SGCD: variants seen among roughly 807,000 people sequenced by gnomAD.
The protein encoded by SGCD is delta-sarcoglycan.
In SGCD, 18 loss-of-function variants were observed where a neutral mutation model predicts 36.6. That is an observed-to-expected ratio of 0.49 (90% CI 0.34 to 0.73). SGCD has a LOEUF of 0.73. SGCD is among the 30% of genes least tolerant of loss of function. The pLI is 0.01. For synonymous variants in SGCD, 133 were observed against 130.6 expected, an observed-to-expected ratio of 1.02 and a Z score of -0.12; for missense variants, 387 against 346.7, an observed-to-expected ratio of 1.12 and a Z score of -0.92.
intron 3 of SGCD, among the ~76,000 whole-genome samples, chr5:156,248,348 C>T (rs944984663): frequency 3.9e-5 from 6 of 151,966 alleles, no homozygotes; most frequent in South Asian, 2.1e-4. Context: ...GGTGAAACCC[C>T]GTCTCTATTA....
chr5:156,364,211 G>A (rs895618636), intron 3 of SGCD, among the ~76,000 whole-genome samples: 4 of 152,242 alleles, frequency 2.6e-5, no homozygotes, highest in East Asian at 3.9e-4. Flanking sequence ...ACTTTAAAGT[G>A]ACTTTTCCCT....
chr5:156,310,600 A>T (rs1561613301), intron 3 of SGCD, among the ~76,000 whole-genome samples: 1 of 152,164 alleles, frequency 6.6e-6, no homozygotes, highest in Non-Finnish European at 1.5e-5. Context: ...AAATAATTAC[A>T]TCAGGCAGAT....
At chr5:156,621,567 A>G (rs1226008344) in intron 6 of SGCD, among the ~76,000 whole-genome samples, 3 of 152,222 alleles carry the variant, frequency 2.0e-5, no homozygotes, top group African/African-American at 7.2e-5. Context: ...TGCTATGGAA[A>G]CATAAAATTA....
chr5:156,022,614 T>C (rs979828626), intron 1 of SGCD, among the ~76,000 whole-genome samples: 1 of 152,184 alleles, frequency 6.6e-6, no homozygotes, highest in African/African-American at 2.4e-5. Context: ...TGGATATAAA[T>C]TGGTTTTAGT....
At chr5:155,762,304 A>G in the SGCD span, among the ~76,000 whole-genome samples, 1 of 152,210 alleles carries the variant, frequency 6.6e-6, no homozygotes, top group African/African-American at 2.4e-5. Flanking sequence ...TCTGAAAAAA[A>G]GACAGCTGAA....
chr5:155,850,115 C>T, the SGCD span, among the ~76,000 whole-genome samples: 1 of 152,032 alleles, frequency 6.6e-6, no homozygotes, highest in Non-Finnish European at 1.5e-5. Flanking sequence ...CCTTGTTTCT[C>T]CATATTCTTT....
At chr5:155,842,756 G>A in the SGCD span, among the ~76,000 whole-genome samples, 1 of 152,096 alleles carries the variant, frequency 6.6e-6, no homozygotes, top group East Asian at 1.9e-4. Context: ...GTAATTAATG[G>A]ATTAAAGTGT....
the SGCD span, among the ~76,000 whole-genome samples, chr5:155,833,634 A>G: frequency 6.6e-6 from 1 of 152,152 alleles, no homozygotes; most frequent in East Asian, 1.9e-4. Context: ...CTATCTGTTC[A>G]TTTTGCGAGC....
chr5:155,811,095 G>A, the SGCD span, among the ~76,000 whole-genome samples: 1 of 151,910 alleles, frequency 6.6e-6, no homozygotes, highest in African/African-American at 2.4e-5. Flanking sequence ...GGGATTACAG[G>A]CGTGAGCCAC....
chr5:156,071,436 C>A (rs546979869), intron 1 of SGCD, among the ~76,000 whole-genome samples: 1 of 152,016 alleles, frequency 6.6e-6, no homozygotes, highest in South Asian at 2.1e-4. Context: ...TGTAGTTGAG[C>A]GGTTTTGAGT....
chr5:155,847,486 G>A, the SGCD span, among the ~76,000 whole-genome samples: 1 of 152,172 alleles, frequency 6.6e-6, no homozygotes, highest in African/African-American at 2.4e-5. Context: ...CCCATCAAGA[G>A]TTGAGTTCTA....
chr5:156,338,954 T>A (rs1449881857), intron 2 of SGCD, among the ~76,000 whole-genome samples: 1 of 62,728 alleles, frequency 1.6e-5, no homozygotes, highest in Non-Finnish European at 2.6e-5. Flanking sequence ...ATATCAAGTC[T>A]TGACTCTAAT....
intron 1 of SGCD, among the ~76,000 whole-genome samples, chr5:155,969,888 A>T (rs1757976153): frequency 6.6e-6 from 1 of 152,112 alleles, no homozygotes; most frequent in African/African-American, 2.4e-5. Context: ...ATCGTTCGAC[A>T]AAAGAGGAAG....
chr5:155,945,530 T>C lies in SGCD; in HGVS notation c.-282+75106T>C, dbSNP rs180979801. Among the ~76,000 whole-genome samples, 239 of 152,274 alleles carry C rather than the reference T, an allele frequency of 1.6e-3. 2 individuals carry two copies. The highest frequency in any genetic ancestry group is 5.7e-3 in the African/African-American group (237 of 41,552). On this transcript the variant is annotated intron_variant, in intron 1 of 9. Coordinates refer to the SGCD transcript ENST00000517913. ...TGGTAGGTTCTGGAAGGCAAAAGCC[T>C]GAGGAGCTGTGAAAGCATTTGCAGA... is the stretch of plus-strand genomic sequence containing the variant.
chr5:156,473,485 A>G (rs1439452412), intron 3 of SGCD, among the ~76,000 whole-genome samples: 1 of 152,238 alleles, frequency 6.6e-6, no homozygotes, highest in Non-Finnish European at 1.5e-5. Context: ...TTTACAACAT[A>G]TGAATTGTTT....
At chr5:155,798,673 G>A in the SGCD span, among the ~76,000 whole-genome samples, 1 of 152,114 alleles carries the variant, frequency 6.6e-6, no homozygotes, top group South Asian at 2.1e-4. Context: ...TCCTTTGTTT[G>A]CGGGAGGTGA....
the SGCD span, among the ~76,000 whole-genome samples, chr5:155,744,087 T>A: frequency 6.6e-6 from 1 of 152,050 alleles, no homozygotes; most frequent in African/African-American, 2.4e-5. Flanking sequence ...AAATCAGATA[T>A]CAGAAAGAAA....
intron 3 of SGCD, among the ~76,000 whole-genome samples, chr5:156,166,840 T>C (rs1355782576): frequency 6.6e-6 from 1 of 152,226 alleles, no homozygotes; most frequent in Non-Finnish European, 1.5e-5. Flanking sequence ...GAAATAGCAG[T>C]GCTTCCTTGC....
intron 3 of SGCD, among the ~76,000 whole-genome samples, chr5:156,265,453 G>A: frequency 6.6e-6 from 1 of 151,938 alleles, no homozygotes; most frequent in East Asian, 1.9e-4. Context: ...CCAGAAAAAT[G>A]AATGTGGTTA....
Sources: allele counts gnomAD v4.1 joint callset (sites outside exome capture counted in the v4.1 genomes callset), GRCh38; gene constraint gnomAD v4.1.1; transcripts MANE v1.5; gene names NCBI Gene and HGNC (gene_info 2026-07-23, HGNC 2026-07-21).